AGAP1: variants seen among roughly 807,000 people sequenced by gnomAD.
AGAP1 encodes the protein arf-GAP with GTPase, ANK repeat and PH domain-containing protein 1.
Under a neutral mutation model 105.3 loss-of-function variants are expected in AGAP1, and 29 were observed. The observed-to-expected ratio is 0.28, with a 90% CI of 0.21 to 0.38. AGAP1 has a LOEUF of 0.38. Among genes scored for constraint, AGAP1 ranks in the 10% least tolerant of loss-of-function variants. AGAP1 has a pLI of 1.00. For missense variants in AGAP1, 998 were observed against 1,165.1 expected (o/e 0.86, Z 2.09); for synonymous variants, 509 against 485.9 (o/e 1.05, Z -0.63).
chr2:236,072,459 G>A (rs1287694223), intron 16 of AGAP1: 1 of 151,196 alleles, frequency 6.6e-6, no homozygotes, highest in Non-Finnish European at 1.5e-5. Context: ...AAAAAAAAGA[G>A]ATAGGGTCTC....
chr2:235,715,418 G>A (rs1951052811), intron 2 of AGAP1, among the ~76,000 whole-genome samples: 1 of 152,274 alleles, frequency 6.6e-6, no homozygotes, highest in Admixed American at 6.5e-5. Context: ...GGGGTGAGGG[G>A]AAAGCAGGGA....
intron 16 of AGAP1, among the ~76,000 whole-genome samples, chr2:236,081,215 G>C (rs1223291798): frequency 6.6e-6 from 1 of 151,950 alleles, no homozygotes; most frequent in East Asian, 1.9e-4. Context: ...GGGAAGGGAG[G>C]GTCCTGGCTA....
intron 15 of AGAP1, among the ~76,000 whole-genome samples, chr2:236,047,502 C>G (rs1428467154): frequency 2.7e-5 from 4 of 150,910 alleles, no homozygotes; most frequent in African/African-American, 9.8e-5. Flanking sequence ...CTGCATTTCT[C>G]TGTTCTCTTC....
chr2:236,113,756 G>A lies in AGAP1; in HGVS notation c.2115-6436G>A, dbSNP rs1003826927. On this transcript the variant is annotated intron_variant, in intron 16 of 17. Coordinates refer to ENST00000304032, the MANE Select transcript of AGAP1 (RefSeq NM_001037131.3). The surrounding 1 kb of genome is among the most constrained non-coding windows in gnomAD (Gnocchi z 4.3). ...GTCTGTCTCCGAGCTGGCAGACCCC[G>A]AAAAATCCAGAGGGTTCACGGCTCC... Among the ~76,000 whole-genome samples the A allele has an allele frequency of 1.3e-5, 2 of 152,082 alleles. No individual in the cohort carries two copies. Among genetic ancestry groups the A allele is most frequent in the East Asian group, 1.9e-4 (1 of 5,178 alleles).
At chr2:236,039,114 T>C (rs1366964229) in intron 14 of AGAP1, among the ~76,000 whole-genome samples, 1 of 152,164 alleles carries the variant, frequency 6.6e-6, no homozygotes, top group Admixed American at 6.5e-5. Flanking sequence ...GCTTTAACCA[T>C]AATATTAAAT....
chr2:235,879,609 C>T lies in AGAP1; in HGVS notation c.1051-3736C>T, dbSNP rs1356562700. 6.6e-6 allele frequency among the ~76,000 whole-genome samples: 1 copy of T among 152,086 alleles called. No individual in the cohort carries two copies. Among genetic ancestry groups the T allele is most frequent in the Non-Finnish European group, 1.5e-5 (1 of 68,026 alleles). ...TCAGCGTAGGCCTGGCACAGTGGCT[C>T]ACTCCCTGTCATCCAGCACTTTCTA... is the stretch of plus-strand genomic sequence containing the variant. On this transcript the variant is annotated intron_variant, in intron 9 of 17. Transcript: ENST00000304032. The surrounding 1 kb of genome is among the most constrained non-coding windows in gnomAD (Gnocchi z 5.0).
intron 1 of AGAP1, among the ~76,000 whole-genome samples, chr2:235,534,261 G>A (rs930323038): frequency 6.6e-6 from 1 of 152,184 alleles, no homozygotes; most frequent in Non-Finnish European, 1.5e-5. Flanking sequence ...TGGGGATGAG[G>A]GGAGGACTAG....
chr2:235,745,285 T>G lies in AGAP1; in HGVS notation c.538+446T>G, dbSNP rs147009744. Among the ~76,000 whole-genome samples the G allele has an allele frequency of 7.6e-3, 1,161 of 152,312 alleles. 22 individuals carry two copies. Among genetic ancestry groups the G allele is most frequent in the African/African-American group, 0.026 (1,074 of 41,562 alleles). On this transcript the variant is annotated intron_variant, in intron 5 of 17. Transcript: ENST00000304032. The stretch of plus-strand genomic sequence containing the variant: ...GATTTTGAACATAGAGCAGTTCTGT[T>G]TATTAAGTTCTGTTTGTCACCGTCT...
At chr2:235,844,216 C>T (rs1961200460) in intron 9 of AGAP1, among the ~76,000 whole-genome samples, 2 of 152,186 alleles carry the variant, frequency 1.3e-5, no homozygotes, top group South Asian at 4.1e-4. Flanking sequence ...CCCTGTCCAT[C>T]TTGAATGTTC....
rs753394041 is a variant in AGAP1 at position 235,690,936 on chromosome 2, G to A, written c.164-18243G>A. 3.3e-5 allele frequency among the ~76,000 whole-genome samples: 5 copies of A among 152,108 alleles called. No homozygotes were observed. The highest frequency in any genetic ancestry group is 2.1e-4 in the South Asian group (1 of 4,830). Reference sequence around the variant, plus strand: ...TGGCCTGAGGGTTTGGCAGGGATTCGTGGCTGCTATTTTAGATATGCCAGG... The same window carrying A: ...TGGCCTGAGGGTTTGGCAGGGATTCATGGCTGCTATTTTAGATATGCCAGG... On this transcript the variant is annotated intron_variant, in intron 1 of 17. Transcript: ENST00000304032. The surrounding 1 kb of genome is among the most constrained non-coding windows in gnomAD (Gnocchi z 4.1).
intron 1 of AGAP1, among the ~76,000 whole-genome samples, chr2:235,668,842 C>T (rs2149351335): frequency 6.6e-6 from 1 of 152,250 alleles, no homozygotes; most frequent in Middle Eastern, 3.4e-3. Context: ...AGTTTAGGAG[C>T]TTTTATTGGC....
chr2:235,662,852 TG>T lies in AGAP1; in HGVS notation c.164-46325del. Among the ~76,000 whole-genome samples the T allele has an allele frequency of 6.6e-6, 1 of 152,324 alleles. No homozygotes were observed. Among genetic ancestry groups the T allele is most frequent in the South Asian group, 2.1e-4 (1 of 4,830 alleles). ...CTCCTGGCCACTGCTGACTGGTGCATGGCGAGCAGAGGTTTTATTCCATCTT... is the reference window on the plus strand; with the variant it reads ...CTCCTGGCCACTGCTGACTGGTGCATGCGAGCAGAGGTTTTATTCCATCTT... On this transcript the variant is annotated intron_variant, in intron 1 of 17. Coordinates refer to ENST00000304032, the MANE Select transcript of AGAP1 (RefSeq NM_001037131.3). This position sits in a 1 kb window ranked among gnomAD's most constrained non-coding sequence, Gnocchi z 4.2.
chr2:235,886,199 G>C (rs1013121534), intron 10 of AGAP1, among the ~76,000 whole-genome samples: 2 of 152,258 alleles, frequency 1.3e-5, no homozygotes, highest in South Asian at 4.1e-4. Flanking sequence ...CTGTCAGAGA[G>C]CAGAGGTCTA....
chr2:235,667,617 TC>T (rs1295135403), intron 1 of AGAP1, among the ~76,000 whole-genome samples: 5 of 152,096 alleles, frequency 3.3e-5, no homozygotes, highest in Non-Finnish European at 7.4e-5. Context: ...GACAGATGAA[TC>T]CCGCCTGGCT....
chr2:235,809,293 C>G (rs185607671), intron 9 of AGAP1, among the ~76,000 whole-genome samples: 1 of 152,280 alleles, frequency 6.6e-6, no homozygotes, highest in Non-Finnish European at 1.5e-5. Context: ...TGAGTATTAT[C>G]CAGTCCTTGG....
In AGAP1 at chr2:235,682,797, C is replaced by CGTGTGTGTGTGTGTGTGTGT. The variant is rs71064869; in HGVS notation, c.164-26379_164-26360dup. ...AACTCGATGTGTGGGTGTGTGCACA[C>CGTGTGTGTGTGTGTGTGTGT]GTGTGTGTGTGTGTGTGTGTGTTTT... On this transcript the variant is annotated intron_variant, in intron 1 of 17. Coordinates refer to ENST00000304032, the MANE Select transcript of AGAP1 (RefSeq NM_001037131.3). Among the ~76,000 whole-genome samples, 310 of 149,566 alleles carry CGTGTGTGTGTGTGTGTGTGT rather than the reference C, an allele frequency of 2.1e-3. 1 individual carries two copies. Among genetic ancestry groups the CGTGTGTGTGTGTGTGTGTGT allele is most frequent in the African/African-American group, 7.1e-3 (288 of 40,304 alleles).
chr2:235,582,317 G>C lies in AGAP1; in HGVS notation c.163+87468G>C, dbSNP rs1044022399. On this transcript the variant is annotated intron_variant, in intron 1 of 17. Coordinates refer to ENST00000304032, the MANE Select transcript of AGAP1 (RefSeq NM_001037131.3). This position sits in a 1 kb window ranked among gnomAD's most constrained non-coding sequence, Gnocchi z 4.7. ...GCCTGCCGAGGTGGTGTGGCTCTTT[G>C]TGCTGGCATTTAGGGTGTCACTAAA... is the stretch of plus-strand genomic sequence containing the variant. Among the ~76,000 whole-genome samples, 6 of 152,198 alleles carry C rather than the reference G, an allele frequency of 3.9e-5. No individual in the cohort carries two copies. The highest frequency in any genetic ancestry group is 1.2e-4 in the African/African-American group (5 of 41,452).
intron 16 of AGAP1, among the ~76,000 whole-genome samples, chr2:236,099,937 G>A (rs1449220303): frequency 6.6e-6 from 1 of 152,128 alleles, no homozygotes; most frequent in Non-Finnish European, 1.5e-5. Flanking sequence ...CTACCCAGGA[G>A]GCTAAGACAG....
At chr2:235,643,308 G>A (rs1947259288) in intron 1 of AGAP1, among the ~76,000 whole-genome samples, 1 of 151,818 alleles carries the variant, frequency 6.6e-6, no homozygotes, top group Non-Finnish European at 1.5e-5. Flanking sequence ...GCGGGCACCT[G>A]TAGTCCCAGC....
Sources: allele counts gnomAD v4.1 joint callset (sites outside exome capture counted in the v4.1 genomes callset), GRCh38; gene constraint gnomAD v4.1.1; non-coding constraint Gnocchi (gnomAD v3.1); transcripts MANE v1.5; gene names NCBI Gene and HGNC (gene_info 2026-07-23, HGNC 2026-07-21).